Variants in AKR1C8 observed in about 807,000 individuals in gnomAD.
The protein encoded by AKR1C8 is aldo-keto reductase family 1 member C8, also known as aldo-keto reductase family 1 member C-like protein 1.
chr10:5,151,925 T>G, the AKR1C8 span, among the ~76,000 whole-genome samples: 1 of 152,146 alleles, frequency 6.6e-6, no homozygotes, highest in Non-Finnish European at 1.5e-5. Flanking sequence ...CAATGACCAC[T>G]CTGGCTTCTT....
the AKR1C8 span, among the ~76,000 whole-genome samples, chr10:5,157,110 G>T: frequency 1.3e-5 from 2 of 152,172 alleles, no homozygotes; most frequent in Non-Finnish European, 2.9e-5. Flanking sequence ...TCCAGAAGGA[G>T]CCATTGTATT....
At chr10:5,145,672 G>A in the AKR1C8 span, among the ~76,000 whole-genome samples, 1 of 152,148 alleles carries the variant, frequency 6.6e-6, no homozygotes, top group African/African-American at 2.4e-5. Context: ...CAGTTAGAAT[G>A]GCAATCATTA....
At chr10:5,169,703 A>G in the AKR1C8 span, among the ~76,000 whole-genome samples, 1 of 152,060 alleles carries the variant, frequency 6.6e-6, no homozygotes, top group Admixed American at 6.6e-5. Context: ...GTACTACAGT[A>G]TATAGTCCTA....
At chr10:5,168,077 T>C in the AKR1C8 span, among the ~76,000 whole-genome samples, 2 of 151,992 alleles carry the variant, frequency 1.3e-5, no homozygotes, top group Admixed American at 6.6e-5. Flanking sequence ...TTACCAACTC[T>C]AGGATGGACA....
the AKR1C8 span, among the ~76,000 whole-genome samples, chr10:5,174,831 A>G: frequency 2.0e-5 from 3 of 152,098 alleles, no homozygotes; most frequent in Non-Finnish European, 4.4e-5. Context: ...AATAAAATAA[A>G]AATGAAAGAT....
chr10:5,183,654 C>T, the AKR1C8 span, among the ~76,000 whole-genome samples: 13,085 of 152,080 alleles, frequency 0.086, 682 homozygotes, highest in East Asian at 0.13. Flanking sequence ...ACCCAATCTC[C>T]CTGACAATTA....
the AKR1C8 span, among the ~76,000 whole-genome samples, chr10:5,148,993 G>C: frequency 3.3e-5 from 5 of 152,052 alleles, no homozygotes; most frequent in African/African-American, 1.2e-4. Context: ...GAAAAGGAAA[G>C]GAATCCTGGA....
At chr10:5,166,533 G>A in the AKR1C8 span, among the ~76,000 whole-genome samples, 2 of 152,120 alleles carry the variant, frequency 1.3e-5, no homozygotes, top group Non-Finnish European at 2.9e-5. Context: ...AACAAGAAAT[G>A]GGGAAATGAT....
chr10:5,135,161 G>T, the AKR1C8 span: 1 of 224,242 alleles, frequency 4.5e-6, no homozygotes. Context: ...GTACACAGGT[G>T]CCAAATCCTA....
the AKR1C8 span, among the ~76,000 whole-genome samples, chr10:5,125,434 C>T: frequency 6.6e-6 from 1 of 152,098 alleles, no homozygotes; most frequent in Non-Finnish European, 1.5e-5. Context: ...AACTCTGTGA[C>T]CCTGCCTGTC....
chr10:5,166,540 T>A, the AKR1C8 span, among the ~76,000 whole-genome samples: 1 of 151,958 alleles, frequency 6.6e-6, no homozygotes, highest in East Asian at 1.9e-4. Flanking sequence ...AATGGGGAAA[T>A]GATTCCCTAT....
chr10:5,127,351 A>G, the AKR1C8 span, among the ~76,000 whole-genome samples: 1 of 152,192 alleles, frequency 6.6e-6, no homozygotes, highest in African/African-American at 2.4e-5. Context: ...TTTCAACAAT[A>G]GACTAGAACA....
the AKR1C8 span, among the ~76,000 whole-genome samples, chr10:5,141,640 G>T: frequency 6.6e-6 from 1 of 152,098 alleles, no homozygotes; most frequent in Non-Finnish European, 1.5e-5. Context: ...CATAAAAACA[G>T]AAGTAATCTT....
the AKR1C8 span, among the ~76,000 whole-genome samples, chr10:5,133,060 TAC>T: frequency 2.6e-5 from 4 of 152,066 alleles, no homozygotes; most frequent in Admixed American, 2.6e-4. Context: ...AGACTCAAAT[TAC>T]AGTTATAAAT....
At chr10:5,134,988 C>G in the AKR1C8 span, among the ~76,000 whole-genome samples, 1 of 152,168 alleles carries the variant, frequency 6.6e-6, no homozygotes, top group Admixed American at 6.6e-5. Flanking sequence ...GATTGACTAC[C>G]TTTTCTCTTT....
chr10:5,123,410 TC>T, the AKR1C8 span: 1 of 365,914 alleles, frequency 2.7e-6, no homozygotes, highest in Non-Finnish European at 5.3e-6. Context: ...AACTGGGTCC[TC>T]CAAAAGAACT....
the AKR1C8 span, among the ~76,000 whole-genome samples, chr10:5,152,302 C>T: frequency 6.6e-6 from 1 of 152,098 alleles, no homozygotes; most frequent in African/African-American, 2.4e-5. Flanking sequence ...TTGGGAATGC[C>T]ACTGTTTGCT....
chr10:5,118,006 C>T, the AKR1C8 span, among the ~76,000 whole-genome samples: 3 of 152,106 alleles, frequency 2.0e-5, no homozygotes, highest in African/African-American at 7.2e-5. Context: ...TCATGTTCTT[C>T]TTACACGCAA....
the AKR1C8 span, among the ~76,000 whole-genome samples, chr10:5,130,966 A>C: frequency 6.6e-6 from 1 of 152,038 alleles, no homozygotes; most frequent in Non-Finnish European, 1.5e-5. Context: ...TGTAGTTAGG[A>C]AAGGAGCATA....
Sources: gnomAD v4.1 joint callset for allele counts (sites outside exome capture counted in the v4.1 genomes callset) on GRCh38, gnomAD v4.1.1 for gene constraint, MANE v1.5 for transcripts, NCBI Gene and HGNC (gene_info 2026-07-23, HGNC 2026-07-21) for gene names.